The following SPRY3 variants were observed in gnomAD, a reference collection of about 807,000 sequenced individuals.
SPRY3 encodes the protein protein sprouty homolog 3.
In SPRY3, 15 loss-of-function variants were observed where a neutral mutation model predicts 20.2. That is an observed-to-expected ratio of 0.74 (90% CI 0.50 to 1.14). The LOEUF (loss-of-function observed/expected upper bound fraction) is 1.14. SPRY3 is among the 50% of genes most tolerant of loss of function. The pLI, the probability that SPRY3 is intolerant of heterozygous loss-of-function variation, is 0.00. For synonymous variants in SPRY3, 143 were observed against 136.5 expected (o/e 1.05, Z -0.33); for missense variants, 364 against 363.9 (o/e 1.00, Z 0.00).
intron 1 of SPRY3, among the ~76,000 whole-genome samples, chrX:155,614,985 T>C (rs782204237): frequency 3.0e-4 from 33 of 111,784 alleles, no homozygotes; most frequent in Non-Finnish European, 4.9e-4. Flanking sequence ...TATAATCTGC[T>C]CATGCATTTG....
chrX:155,763,545 G>C (rs1485509085), intron 2 of SPRY3, among the ~76,000 whole-genome samples: 6 of 151,990 alleles, frequency 3.9e-5, no homozygotes, highest in Non-Finnish European at 8.8e-5. Context: ...CTAATTCCCA[G>C]AGCATTAAGT....
chrX:155,717,173 TC>T lies in SPRY3; in HGVS notation c.-281-50788del, dbSNP rs2091029206. On this transcript the variant is annotated intron_variant, in intron 2 of 3. Transcript: ENST00000675360. ...GACTGTCAAAAAAAAAAAAAAGATA[TC>T]ATCAACTTTTATTTTTTTGCTGGGC... Among the ~76,000 whole-genome samples the T allele has an allele frequency of 2.0e-5, 3 of 148,820 alleles. No individual in the cohort carries two copies. In the South Asian group the frequency reaches 6.4e-4, roughly 32 times the overall value.
chrX:155,633,444 G>A (rs2124530539), intron 1 of SPRY3, among the ~76,000 whole-genome samples: 1 of 107,000 alleles, frequency 9.3e-6, no homozygotes, highest in Non-Finnish European at 1.9e-5. Flanking sequence ...GAGAGGATAG[G>A]TCCCCTTGAT....
At chrX:155,643,413 A>C (rs912420654) in intron 1 of SPRY3, among the ~76,000 whole-genome samples, 2 of 111,680 alleles carry the variant, frequency 1.8e-5, no homozygotes, top group Non-Finnish European at 3.8e-5. Flanking sequence ...TTATTCATTC[A>C]GCTACTCTGT....
intron 1 of SPRY3, among the ~76,000 whole-genome samples, chrX:155,630,208 T>C (rs927766221): frequency 2.7e-5 from 3 of 112,380 alleles, no homozygotes; most frequent in Non-Finnish European, 5.6e-5. Context: ...TCATAGTTAT[T>C]ATATTTGATA....
intron 2 of SPRY3, among the ~76,000 whole-genome samples, chrX:155,664,209 C>A (rs189529060): frequency 4.5e-4 from 49 of 109,843 alleles, no homozygotes; most frequent in Non-Finnish European, 7.6e-4. Context: ...ATTTTAAAGG[C>A]CTAAATGAAC....
intron 2 of SPRY3, among the ~76,000 whole-genome samples, chrX:155,730,624 A>G (rs1291665045): frequency 6.6e-6 from 1 of 152,014 alleles, no homozygotes; most frequent in Non-Finnish European, 1.5e-5. Context: ...GCTTTTTTTC[A>G]CCACTGTTAC....
intron 1 of SPRY3, among the ~76,000 whole-genome samples, chrX:155,621,874 G>A (rs782240867): frequency 9.0e-6 from 1 of 111,518 alleles, no homozygotes; most frequent in South Asian, 3.8e-4. Flanking sequence ...CTATGCATCT[G>A]AGAAAGGAAC....
At chrX:155,775,219 T>C in exon 4 of SPRY3, 1 of 184,762 alleles carries the variant, frequency 5.4e-6, no homozygotes, top group East Asian at 1.7e-4. Flanking sequence ...TGCCCTTCTC[T>C]TCTTTATTCC....
chrX:155,672,933 G>T (rs2068046683), intron 2 of SPRY3, among the ~76,000 whole-genome samples: 1 of 105,554 alleles, frequency 9.5e-6, no homozygotes, highest in Non-Finnish European at 1.9e-5. Context: ...GATGAAATTG[G>T]AAATCATCAT....
intron 2 of SPRY3, among the ~76,000 whole-genome samples, chrX:155,715,147 G>A (rs1304559340): frequency 6.6e-6 from 1 of 151,988 alleles, no homozygotes; most frequent in Non-Finnish European, 1.5e-5. Context: ...CAAACAGAAG[G>A]AGTCTTTCAC....
chrX:155,679,095 T>G (rs2068066068), intron 2 of SPRY3, among the ~76,000 whole-genome samples: 2 of 111,250 alleles, frequency 1.8e-5, no homozygotes, highest in South Asian at 7.7e-4. Context: ...ATAGCTAATG[T>G]AAATGATGAG....
intron 2 of SPRY3, among the ~76,000 whole-genome samples, chrX:155,766,392 G>A (rs980758974): frequency 2.0e-5 from 3 of 152,120 alleles, no homozygotes; most frequent in East Asian, 1.9e-4. Flanking sequence ...CTCTAGAGGG[G>A]AAGAAAATTG....
intron 1 of SPRY3, among the ~76,000 whole-genome samples, chrX:155,637,229 T>C (rs1377190663): frequency 1.8e-5 from 2 of 110,906 alleles, no homozygotes; most frequent in African/African-American, 6.6e-5. Flanking sequence ...CAAAGAGTTA[T>C]TTTTGTTGGT....
chrX:155,774,004 A>G (rs2091402486), exon 4 of SPRY3: 1 of 1,613,844 alleles, frequency 6.2e-7, no homozygotes, highest in Non-Finnish European at 8.5e-7. Context: ...CCCTTCCCTT[A>G]TTGTGCAAAC....
chrX:155,692,344 TG>T (rs1385153028), intron 2 of SPRY3, among the ~76,000 whole-genome samples: 6 of 111,464 alleles, frequency 5.4e-5, no homozygotes, highest in Non-Finnish European at 1.1e-4. Context: ...GTTGAATCTT[TG>T]TAGAAAATGA....
At chrX:155,694,885 G>A (rs2068113975) in intron 2 of SPRY3, among the ~76,000 whole-genome samples, 1 of 111,363 alleles carries the variant, frequency 9.0e-6, no homozygotes, top group Admixed American at 9.5e-5. Flanking sequence ...TACAGATGAA[G>A]CTTCACTCAC....
At chrX:155,617,278 T>C (rs1251932266) in intron 1 of SPRY3, among the ~76,000 whole-genome samples, 4 of 110,363 alleles carry the variant, frequency 3.6e-5, no homozygotes, top group African/African-American at 9.9e-5. Context: ...AGGTTCTTAG[T>C]TGCATGCAAC....
chrX:155,719,886 G>A (rs306934), intron 2 of SPRY3, among the ~76,000 whole-genome samples: 11,948 of 152,054 alleles, frequency 0.079, 5 homozygotes, highest in Admixed American at 0.13. Context: ...GTGGCTATGG[G>A]GCAACTCCTT....
Sources: allele counts gnomAD v4.1 joint callset (sites outside exome capture counted in the v4.1 genomes callset), GRCh38; gene constraint gnomAD v4.1.1; transcripts MANE v1.5; gene names NCBI Gene and HGNC (gene_info 2026-07-23, HGNC 2026-07-21).